AGTPBP1: variants seen among roughly 807,000 people sequenced by gnomAD.
The protein encoded by AGTPBP1 is cytosolic carboxypeptidase 1.
Under a neutral mutation model 143.9 loss-of-function variants are expected in AGTPBP1, and 70 were observed. That is an observed-to-expected ratio of 0.49 (90% CI 0.40 to 0.59). The LOEUF (loss-of-function observed/expected upper bound fraction) is 0.59, where lower values mean the gene tolerates loss of function less well. Ranked by LOEUF, AGTPBP1 falls within the 20% of genes least tolerant of loss-of-function variation. The pLI is 0.00. For missense variants in AGTPBP1, 1,229 were observed against 1,464.5 expected, an observed-to-expected ratio of 0.84 and a Z score of 2.62; for synonymous variants, 463 against 500.2, an observed-to-expected ratio of 0.93 and a Z score of 0.99.
At chr9:85,683,846 T>C (rs1835336136) in intron 3 of AGTPBP1, among the ~76,000 whole-genome samples, 1 of 152,146 alleles carries the variant, frequency 6.6e-6, no homozygotes. Flanking sequence ...ACTGTCACCT[T>C]TGTTGAAACT....
chr9:85,702,299 C>T (rs1836714947), intron 2 of AGTPBP1, among the ~76,000 whole-genome samples: 1 of 152,134 alleles, frequency 6.6e-6, no homozygotes, highest in African/African-American at 2.4e-5. Flanking sequence ...CACATCTAAC[C>T]TTTTATCTCC....
chr9:85,710,078 C>G (rs1265166292), intron 2 of AGTPBP1, among the ~76,000 whole-genome samples: 1 of 152,124 alleles, frequency 6.6e-6, no homozygotes, highest in Admixed American at 6.5e-5. Context: ...AAATTTAACA[C>G]TTCACTATAT....
At chr9:85,588,520 T>G (rs770071794) in intron 20 of AGTPBP1, 42 bp from the exon 21 acceptor site, 5 of 1,582,076 alleles carry the variant, frequency 3.2e-6, no homozygotes, top group South Asian at 2.3e-5. Flanking sequence ...GAACAGCTAC[T>G]AAAAGTTTGT....
chr9:85,652,960 T>A (rs541750024), intron 11 of AGTPBP1, among the ~76,000 whole-genome samples: 1 of 152,186 alleles, frequency 6.6e-6, no homozygotes, highest in African/African-American at 2.4e-5. Flanking sequence ...ATATGGAGAA[T>A]TGGTTGGTAT....
intron 25 of AGTPBP1, among the ~76,000 whole-genome samples, chr9:85,552,613 A>G (rs1221791978): frequency 6.6e-6 from 1 of 152,232 alleles, no homozygotes; most frequent in Non-Finnish European, 1.5e-5. Flanking sequence ...AGAGATAACA[A>G]TATCAGTCTC....
the AGTPBP1 span, chr9:85,753,298 T>C: frequency 6.2e-7 from 1 of 1,613,704 alleles, no homozygotes; most frequent in South Asian, 1.1e-5. Flanking sequence ...CAATTTCTTT[T>C]TCTATAGGAA....
intron 24 of AGTPBP1, among the ~76,000 whole-genome samples, 162 bp from the exon 25 acceptor site, chr9:85,575,637 A>G (rs761121566): frequency 5.9e-5 from 9 of 152,226 alleles, no homozygotes; most frequent in Non-Finnish European, 2.9e-5. Flanking sequence ...TCTTAACAAT[A>G]CAAGATTATT....
chr9:85,762,489 G>T, the AGTPBP1 span, among the ~76,000 whole-genome samples: 1 of 152,082 alleles, frequency 6.6e-6, no homozygotes, highest in African/African-American at 2.4e-5. Context: ...GATGAAGCTG[G>T]AAACCATCAT....
intron 6 of AGTPBP1, among the ~76,000 whole-genome samples, chr9:85,673,964 C>CAA (rs151279371): frequency 0.071 from 10,592 of 149,796 alleles, 439 homozygotes; most frequent in Non-Finnish European, 0.096. Context: ...ATTAAAAATA[C>CAA]AAAAAAAAAT....
At chr9:85,682,808 T>C (rs1268740953) in intron 3 of AGTPBP1, among the ~76,000 whole-genome samples, 1 of 152,200 alleles carries the variant, frequency 6.6e-6, no homozygotes, top group East Asian at 1.9e-4. Context: ...TATCATACTT[T>C]TGTTCTGAGC....
intron 6 of AGTPBP1, among the ~76,000 whole-genome samples, chr9:85,673,062 A>G (rs920003492): frequency 4.6e-5 from 7 of 152,178 alleles, no homozygotes; most frequent in Admixed American, 2.0e-4. Context: ...TGAAATGATG[A>G]TATTATAAAT....
At chr9:85,802,240 C>T in the AGTPBP1 span, among the ~76,000 whole-genome samples, 1 of 152,162 alleles carries the variant, frequency 6.6e-6, no homozygotes, top group South Asian at 2.1e-4. Flanking sequence ...AGTCACTCTA[C>T]CGTCTTTCCA....
intron 1 of AGTPBP1, among the ~76,000 whole-genome samples, chr9:85,720,101 G>A (rs983183154): frequency 4.6e-5 from 7 of 152,172 alleles, no homozygotes; most frequent in East Asian, 1.9e-4. Context: ...ATGTTCATCA[G>A]GGATATTGGT....
chr9:85,571,121 G>A (rs912841856), intron 25 of AGTPBP1, among the ~76,000 whole-genome samples: 4 of 152,182 alleles, frequency 2.6e-5, no homozygotes, highest in Middle Eastern at 3.2e-3. Flanking sequence ...ATAAATTCAT[G>A]TATGTAAATA....
intron 17 of AGTPBP1, among the ~76,000 whole-genome samples, chr9:85,602,788 C>T (rs1279242901): frequency 6.6e-6 from 1 of 152,204 alleles, no homozygotes; most frequent in Non-Finnish European, 1.5e-5. Flanking sequence ...TCTGGAATTG[C>T]TCACACCACT....
chr9:85,604,714 G>C (rs1457807056), intron 17 of AGTPBP1, among the ~76,000 whole-genome samples: 2 of 152,158 alleles, frequency 1.3e-5, no homozygotes, highest in Non-Finnish European at 2.9e-5. Flanking sequence ...TTTTGAGGAA[G>C]CTCAGTGAAA....
At chr9:85,629,577 T>C (rs192387225) in intron 14 of AGTPBP1, among the ~76,000 whole-genome samples, 12 of 152,218 alleles carry the variant, frequency 7.9e-5, no homozygotes, top group Non-Finnish European at 1.5e-4. Context: ...AGGACAGAGG[T>C]CACCAGAGCT....
chr9:85,711,037 A>C (rs1837331191), intron 2 of AGTPBP1, among the ~76,000 whole-genome samples: 1 of 152,222 alleles, frequency 6.6e-6, no homozygotes, highest in African/African-American at 2.4e-5. Flanking sequence ...ATCTTATCTA[A>C]ACAGTGTGTA....
chr9:85,709,551 T>C (rs920993613), intron 2 of AGTPBP1, among the ~76,000 whole-genome samples: 4 of 151,992 alleles, frequency 2.6e-5, no homozygotes, highest in African/African-American at 9.7e-5. Flanking sequence ...TAAAGCAAGG[T>C]AAAGACATCT....
Sources: gnomAD v4.1 joint callset for allele counts (sites outside exome capture counted in the v4.1 genomes callset) on GRCh38, gnomAD v4.1.1 for gene constraint, MANE v1.5 for transcripts, NCBI Gene and HGNC (gene_info 2026-07-23, HGNC 2026-07-21) for gene names.